Variants in DLG2 observed in about 807,000 individuals in gnomAD.
DLG2 encodes the protein discs large MAGUK scaffold protein 2.
Under a neutral mutation model 132.5 loss-of-function variants are expected in DLG2, and 45 were observed. That is an observed-to-expected ratio of 0.34 (90% CI 0.27 to 0.44). The LOEUF is 0.44. Ranked by LOEUF, DLG2 falls within the 20% of genes least tolerant of loss-of-function variation. The probability of loss-of-function intolerance (pLI) is 1.00; values close to 1 mark genes in which losing one functional copy is unlikely to be tolerated. For missense variants in DLG2, 1,045 were observed against 1,196.9 expected (o/e 0.87, Z 1.87); for synonymous variants, 424 against 419.6 (o/e 1.01, Z -0.13).
At chr11:85,456,559 A>C (rs1254971003) in intron 3 of DLG2, among the ~76,000 whole-genome samples, 1 of 152,040 alleles carries the variant, frequency 6.6e-6, no homozygotes, top group East Asian at 1.9e-4. Flanking sequence ...GTGTGATGTT[A>C]GGTTGTTAAT....
chr11:85,013,878 C>T (rs1414494395), intron 6 of DLG2, among the ~76,000 whole-genome samples: 3 of 152,000 alleles, frequency 2.0e-5, no homozygotes, highest in Non-Finnish European at 4.4e-5. Context: ...AAGGTGCATG[C>T]TATTATGCTA....
Position 85,315,260 on chromosome 11 carries a change from T to C in DLG2, c.41-29895A>G, listed in dbSNP as rs574561916. ...TGTCCCAGGCTAGCATTATTGCTTC[T>C]GGCTATTCCACTATCTTGTCCTGTC... On this transcript the variant is annotated intron_variant, in intron 3 of 27. Transcript: ENST00000376104. 2.0e-5 allele frequency among the ~76,000 whole-genome samples: 3 copies of C among 152,140 alleles called. No individual in the cohort carries two copies. In the East Asian group the frequency reaches 5.8e-4, roughly 29 times the overall value.
At chr11:85,525,039 A>C (rs968306916) in intron 3 of DLG2, 1 of 152,132 alleles carries the variant, frequency 6.6e-6, no homozygotes, top group Non-Finnish European at 1.5e-5. Flanking sequence ...TTTCCTATTA[A>C]GAAAAAAACA....
At chr11:84,508,222 T>A (rs934802418) in intron 7 of DLG2, among the ~76,000 whole-genome samples, 1 of 152,174 alleles carries the variant, frequency 6.6e-6, no homozygotes, top group Admixed American at 6.5e-5. Flanking sequence ...TACTACTTTG[T>A]CTTCTTCATA....
chr11:84,549,916 G>T (rs1478270968), intron 6 of DLG2, among the ~76,000 whole-genome samples: 1 of 151,896 alleles, frequency 6.6e-6, no homozygotes, highest in Non-Finnish European at 1.5e-5. Flanking sequence ...ACCACGCCTG[G>T]ATAATTTTTT....
intron 18 of DLG2, chr11:83,647,648 T>C (rs1457960538): frequency 6.6e-6 from 1 of 152,162 alleles, no homozygotes. Context: ...TTCTAATCAA[T>C]CATCAGCATT....
intron 11 of DLG2, among the ~76,000 whole-genome samples, chr11:84,004,643 T>TA (rs1296218059): frequency 1.3e-5 from 2 of 151,806 alleles, no homozygotes; most frequent in Non-Finnish European, 2.9e-5. Context: ...ACAACAATAA[T>TA]AGTCAAAAAA....
chr11:84,442,232 T>C (rs1471466319), intron 7 of DLG2, among the ~76,000 whole-genome samples: 2 of 152,216 alleles, frequency 1.3e-5, no homozygotes, highest in Non-Finnish European at 2.9e-5. Flanking sequence ...TTCACGATAT[T>C]GATTCTTCCT....
chr11:85,583,977 T>C (rs560898512), intron 3 of DLG2, among the ~76,000 whole-genome samples: 1 of 152,332 alleles, frequency 6.6e-6, no homozygotes, highest in South Asian at 2.1e-4. Context: ...AAAGTAACCA[T>C]CTAATCCAGT....
intron 17 of DLG2, among the ~76,000 whole-genome samples, chr11:83,793,387 T>C (rs1044351466): frequency 3.3e-5 from 5 of 152,208 alleles, no homozygotes; most frequent in Non-Finnish European, 5.9e-5. Context: ...CATGTTTTCC[T>C]GTAGCAAACT....
intron 6 of DLG2, among the ~76,000 whole-genome samples, chr11:84,885,501 G>A (rs748462042): frequency 1.6e-4 from 25 of 151,864 alleles, no homozygotes; most frequent in Non-Finnish European, 3.5e-4. Flanking sequence ...TGCCTGGCCT[G>A]GAATAATGTT....
chr11:85,340,985 A>G (rs940830267), intron 3 of DLG2, among the ~76,000 whole-genome samples: 8 of 152,236 alleles, frequency 5.3e-5, no homozygotes, highest in Non-Finnish European at 7.3e-5. Flanking sequence ...ATTGCTACAC[A>G]GTTATCTCAG....
intron 3 of DLG2, among the ~76,000 whole-genome samples, chr11:85,313,774 T>C (rs548156242): frequency 6.7e-6 from 1 of 149,650 alleles, no homozygotes; most frequent in East Asian, 1.9e-4. Context: ...TGTATCTCTC[T>C]TTTTTTTTAT....
intron 6 of DLG2, among the ~76,000 whole-genome samples, chr11:84,680,398 C>T (rs562355828): frequency 6.6e-6 from 1 of 152,108 alleles, no homozygotes; most frequent in African/African-American, 2.4e-5. Flanking sequence ...ATTATTGCCC[C>T]TTGGACTAAC....
intron 21 of DLG2, among the ~76,000 whole-genome samples, chr11:83,491,936 G>T (rs1038764070): frequency 1.3e-5 from 2 of 152,002 alleles, no homozygotes; most frequent in East Asian, 3.9e-4. Context: ...AGAGGTCAGT[G>T]ACCTGTGGCC....
At chr11:83,801,117 A>G (rs1347097526) in intron 17 of DLG2, among the ~76,000 whole-genome samples, 1 of 152,124 alleles carries the variant, frequency 6.6e-6, no homozygotes, top group African/African-American at 2.4e-5. Context: ...AAACCACTGA[A>G]TCAAGAACCT....
intron 8 of DLG2, among the ~76,000 whole-genome samples, chr11:84,230,353 A>C (rs1465674090): frequency 2.6e-5 from 4 of 152,180 alleles, no homozygotes; most frequent in African/African-American, 9.6e-5. Flanking sequence ...CATGAATTTA[A>C]ACTCCATGAG....
intron 8 of DLG2, among the ~76,000 whole-genome samples, chr11:84,185,720 T>G (rs897744019): frequency 6.6e-6 from 1 of 152,116 alleles, no homozygotes; most frequent in African/African-American, 2.4e-5. Context: ...GTCATAGATA[T>G]CTCTTATTAT....
intron 6 of DLG2, among the ~76,000 whole-genome samples, chr11:84,905,746 A>G (rs1306834303): frequency 1.3e-5 from 2 of 152,168 alleles, no homozygotes; most frequent in Non-Finnish European, 2.9e-5. Flanking sequence ...CCTGAACACT[A>G]TAGCTTAGTT....
Sources: gnomAD v4.1 joint callset for allele counts (sites outside exome capture counted in the v4.1 genomes callset) on GRCh38, gnomAD v4.1.1 for gene constraint, MANE v1.5 for transcripts, NCBI Gene and HGNC (gene_info 2026-07-23, HGNC 2026-07-21) for gene names.